PKNOX1: variants seen among roughly 807,000 people sequenced by gnomAD.
The protein encoded by PKNOX1 is PBX/knotted 1 homeobox 1.
Under a neutral mutation model 51.9 loss-of-function variants are expected in PKNOX1, and 15 were observed. That is an observed-to-expected ratio of 0.29 (90% confidence interval 0.19 to 0.45). The LOEUF (loss-of-function observed/expected upper bound fraction) is 0.45. PKNOX1 is among the 20% of genes least tolerant of loss of function. The probability of loss-of-function intolerance (pLI) is 1.00; values close to 1 mark genes in which losing one functional copy is unlikely to be tolerated. For synonymous variants in PKNOX1, 219 were observed against 211.1 expected, an observed-to-expected ratio of 1.04 and a Z score of -0.32; for missense variants, 462 against 547.5, an observed-to-expected ratio of 0.84 and a Z score of 1.56.
Position 43,032,284 on chromosome 21 carries a change from C to T in PKNOX1, c.*2183C>T. 2.2e-6 allele frequency: 1 copy of T among 446,240 alleles called. No individual in the cohort carries two copies. Among genetic ancestry groups the T allele is most frequent in the Non-Finnish European group, 4.6e-6 (1 of 219,674 alleles). The allele number at this position is 446,240 out of a possible 1,614,324, so 27.6% of individuals were successfully genotyped here. On this transcript the variant is annotated 3_prime_UTR_variant, in exon 11 of 11. Coordinates refer to ENST00000291547, the MANE Select transcript of PKNOX1 (RefSeq NM_004571.5). ...ACTTTGTTGGACTCCTTAAAATAAG[C>T]ACCCATGAAAGCCAGCCAGCCCTTC...
intron 1 of PKNOX1, among the ~76,000 whole-genome samples, chr21:42,986,889 G>T (rs62219460): frequency 0.015 from 2,215 of 152,242 alleles, 21 homozygotes; most frequent in Middle Eastern, 0.027. Flanking sequence ...AATTGTGGCT[G>T]CTCATTAGTC....
chr21:42,984,740 T>C (rs557803648), intron 1 of PKNOX1, among the ~76,000 whole-genome samples: 1 of 152,044 alleles, frequency 6.6e-6, no homozygotes, highest in East Asian at 1.9e-4. Context: ...GTGGAGCCTT[T>C]TGAGTATTTA....
intron 9 of PKNOX1, among the ~76,000 whole-genome samples, chr21:43,027,949 C>T (rs1193118264): frequency 6.6e-6 from 1 of 152,200 alleles, no homozygotes; most frequent in Non-Finnish European, 1.5e-5. Context: ...CCTGCCCTGC[C>T]AGCCTGTGAT....
intron 3 of PKNOX1, 140 bp from the exon 4 acceptor site, chr21:43,009,913 A>G (rs1293085864): frequency 6.4e-6 from 3 of 469,878 alleles, no homozygotes; most frequent in Non-Finnish European, 7.4e-6. Context: ...GTTGAATTGC[A>G]TACTTTCAAC....
rs376134003 is a variant in PKNOX1, at chr21:42,986,407, A to C, written c.-57+11743A>C. Among the ~76,000 whole-genome samples, 8 of 152,322 alleles carry C rather than the reference A, an allele frequency of 5.3e-5. No homozygotes were observed. The South Asian group carries it at 6.2e-4, about 12-fold the overall frequency. ...TCCCAGCTACTGGGGAGGCTGAGGTAGGAGAATCCCTTGAACCTGGGTGGT... is the reference window on the plus strand; with the variant it reads ...TCCCAGCTACTGGGGAGGCTGAGGTCGGAGAATCCCTTGAACCTGGGTGGT... On this transcript the variant is annotated intron_variant, in intron 1 of 10. Coordinates refer to ENST00000291547, the MANE Select transcript of PKNOX1 (RefSeq NM_004571.5).
intron 9 of PKNOX1, among the ~76,000 whole-genome samples, chr21:43,027,124 C>A (rs1980016323): frequency 6.6e-6 from 1 of 151,970 alleles, no homozygotes; most frequent in African/African-American, 2.4e-5. Context: ...ACTCAGCTAT[C>A]CAGATAGAGA....
intron 1 of PKNOX1, among the ~76,000 whole-genome samples, chr21:42,996,106 G>A (rs747102380): frequency 3.9e-5 from 6 of 152,000 alleles, no homozygotes; most frequent in African/African-American, 1.2e-4. Flanking sequence ...TCCTAGCTCC[G>A]TGGGAGGCTG....
chr21:43,010,455 A>G (rs1979197811), intron 4 of PKNOX1, among the ~76,000 whole-genome samples: 1 of 151,982 alleles, frequency 6.6e-6, no homozygotes, highest in African/African-American at 2.4e-5. Flanking sequence ...TTATTTTTGT[A>G]GACACATCTT....
intron 8 of PKNOX1, among the ~76,000 whole-genome samples, chr21:43,022,771 G>A (rs1049308078): frequency 2.0e-5 from 3 of 152,172 alleles, no homozygotes; most frequent in East Asian, 1.9e-4. Flanking sequence ...AGATGGGGAC[G>A]TACTGGTTTG....
intron 1 of PKNOX1, among the ~76,000 whole-genome samples, chr21:42,983,775 A>G (rs1224981045): frequency 1.3e-5 from 2 of 152,104 alleles, no homozygotes; most frequent in African/African-American, 4.8e-5. Context: ...TTATTTTTCC[A>G]AGGACTCAAT....
intron 2 of PKNOX1, 107 bp downstream of exon 2, chr21:43,004,539 A>C (rs539333680): frequency 2.5e-6 from 2 of 789,204 alleles, no homozygotes; most frequent in Non-Finnish European, 4.6e-6. Flanking sequence ...TTGCATGCTC[A>C]GTGTTAGTGT....
At position 43,033,447 on chromosome 21, in the gene PKNOX1, C is replaced by A. The variant is rs897640870; in HGVS notation, c.*3346C>A. ...AGCAATCTTTCGTTCTAGTTATATT[C>A]GGTCTTTGAAACTGACAATCTTTGA... On this transcript the variant is annotated 3_prime_UTR_variant, in exon 11 of 11. Transcript: ENST00000291547. The A allele has an allele frequency of 1.3e-5, 2 of 152,560 alleles. No individual in the cohort carries two copies. The highest frequency in any genetic ancestry group is 4.1e-4 in the South Asian group (2 of 4,824). 9.5% of individuals were successfully genotyped at this position (152,560 alleles called of 1,614,324 possible). A position where few individuals can be genotyped will look rare whatever the true frequency, so the allele number is the denominator to read the frequency against.
intron 2 of PKNOX1, among the ~76,000 whole-genome samples, chr21:43,005,011 T>A (rs927461056): frequency 2.0e-5 from 3 of 152,158 alleles, no homozygotes; most frequent in Non-Finnish European, 4.4e-5. Flanking sequence ...AGTATCTGAG[T>A]GTTTTGTGTT....
Position 42,986,019 on chromosome 21 carries a change from TAA to T in PKNOX1, c.-57+11364_-57+11365del, listed in dbSNP as rs915893947. On this transcript the variant is annotated intron_variant, in intron 1 of 10. Coordinates refer to ENST00000291547, the MANE Select transcript of PKNOX1 (RefSeq NM_004571.5). Reference sequence around the variant, plus strand: ...CTGTCTCAGAAAAAAAAAAAAAAATTAAAAAAAAAATTGCAAAACCATTAAAA... The same window carrying T: ...CTGTCTCAGAAAAAAAAAAAAAAATTAAAAAAAATTGCAAAACCATTAAAA... Among the ~76,000 whole-genome samples, 436 of 131,424 alleles carry T rather than the reference TAA, an allele frequency of 3.3e-3. 1 individual carries two copies. Among genetic ancestry groups the T allele is most frequent in the East Asian group, 0.03 (128 of 4,292 alleles). 86.2% of individuals were successfully genotyped at this position (131,424 alleles called of 152,430 possible).
intron 9 of PKNOX1, among the ~76,000 whole-genome samples, chr21:43,026,086 G>C (rs1245024702): frequency 6.6e-6 from 1 of 152,178 alleles, no homozygotes; most frequent in African/African-American, 2.4e-5. Context: ...ACATACTTTG[G>C]TTGGGGCACA....
chr21:42,997,078 G>A (rs1202335875), intron 1 of PKNOX1, among the ~76,000 whole-genome samples: 1 of 151,986 alleles, frequency 6.6e-6, no homozygotes, highest in Non-Finnish European at 1.5e-5. Context: ...ATGGGGTTTC[G>A]CTATTTTGGT....
chr21:42,992,714 T>TTCACAGCACTGGGGGTTCCC (rs149761138), intron 1 of PKNOX1, among the ~76,000 whole-genome samples: 1 of 150,964 alleles, frequency 6.6e-6, no homozygotes, highest in African/African-American at 2.4e-5. Flanking sequence ...AGAGGAGGTC[T>TTCACAGCACTGGGGGTTCCC]TCACAGCACT....
At chr21:42,974,853 TGGG>T (rs2058983737) in intron 1 of PKNOX1, among the ~76,000 whole-genome samples, 189 bp downstream of exon 1, 3 of 131,658 alleles carry the variant, frequency 2.3e-5, no homozygotes, top group Admixed American at 2.2e-4. Context: ...GGGGCGCGGG[TGGG>T]GGAGGGGAGC....
In PKNOX1 at chr21:43,007,476, T is replaced by C; in HGVS notation, c.52-15T>C. 1 of 1,612,822 alleles carries C rather than the reference T, an allele frequency of 6.2e-7. No individual in the cohort carries two copies. Among genetic ancestry groups the C allele is most frequent in the Non-Finnish European group, 8.5e-7 (1 of 1,178,830 alleles). ...TTTGTGTTTGCTAATAAGAATTATCTTCCTCCTTTTACAGATGCAAGTAGT... is the reference window on the plus strand; with the variant it reads ...TTTGTGTTTGCTAATAAGAATTATCCTCCTCCTTTTACAGATGCAAGTAGT... On this transcript the variant is annotated splice_polypyrimidine_tract_variant and intron_variant, in intron 2 of 10. Transcript: ENST00000291547.
Sources: allele counts gnomAD v4.1 joint callset (sites outside exome capture counted in the v4.1 genomes callset), GRCh38; gene constraint gnomAD v4.1.1; transcripts MANE v1.5; gene names NCBI Gene and HGNC (gene_info 2026-07-23, HGNC 2026-07-21).